The following OR52I2 variants were observed in gnomAD, a reference collection of about 807,000 sequenced individuals.
OR52I2 encodes the protein olfactory receptor 52I2.
For synonymous variants in OR52I2, 147 were observed against 151.9 expected, an observed-to-expected ratio of 0.97 and a Z score of 0.24; for missense variants, 350 against 402.4, an observed-to-expected ratio of 0.87 and a Z score of 1.11.
At chr11:4,583,421 G>A (rs1471457559) in intron 1 of OR52I2, among the ~76,000 whole-genome samples, 4 of 152,166 alleles carry the variant, frequency 2.6e-5, no homozygotes, top group African/African-American at 9.7e-5. Context: ...GAATATCCTG[G>A]ATCAGAGGTG....
intron 1 of OR52I2, among the ~76,000 whole-genome samples, chr11:4,582,433 C>CCTTTTTTTTT (rs1564859030): frequency 5.4e-5 from 4 of 74,660 alleles, no homozygotes; most frequent in Non-Finnish European, 1.1e-4. Flanking sequence ...ATTTATTTTT[C>CCTTTTTTTTT]ATTTTTTTTT....
intron 1 of OR52I2, among the ~76,000 whole-genome samples, chr11:4,582,815 G>C (rs1369384595): frequency 6.6e-6 from 1 of 152,144 alleles, no homozygotes; most frequent in Non-Finnish European, 1.5e-5. Flanking sequence ...ACAAAGGCAG[G>C]TGCAGTGCTA....
At chr11:4,582,744 A>G (rs1257494221) in intron 1 of OR52I2, among the ~76,000 whole-genome samples, 2 of 151,938 alleles carry the variant, frequency 1.3e-5, no homozygotes, top group Non-Finnish European at 2.9e-5. Context: ...GAACTTTTTA[A>G]AGCTACTTTT....
chr11:4,587,860 T>A (rs1313727169), exon 2 of OR52I2: 1 of 1,612,948 alleles, frequency 6.2e-7, no homozygotes. Context: ...CAACCTGGGT[T>A]CATGAACACA....
chr11:4,590,017 G>A (rs1170710454), exon 2 of OR52I2: 3 of 152,138 alleles, frequency 2.0e-5, no homozygotes. Flanking sequence ...CAGTATTGAA[G>A]GCAAAGGCAG....
chr11:4,583,306 G>T (rs1346617523), intron 1 of OR52I2, among the ~76,000 whole-genome samples: 1 of 152,118 alleles, frequency 6.6e-6, no homozygotes, highest in Non-Finnish European at 1.5e-5. Context: ...GGCATGAAAG[G>T]TATGCCCAGT....
At chr11:4,591,556 A>G (rs1271135678) in exon 2 of OR52I2, 1 of 152,244 alleles carries the variant, frequency 6.6e-6, no homozygotes, top group Admixed American at 6.5e-5. Flanking sequence ...AAGGAGATCA[A>G]TTGTATTTAA....
chr11:4,588,184 C>T (rs1359308972), exon 2 of OR52I2: 3 of 304,714 alleles, frequency 9.8e-6, no homozygotes. Context: ...GCTCCTGCCT[C>T]ACCAACTCTT....
chr11:4,590,254 G>A (rs778023915), exon 2 of OR52I2: 4 of 152,196 alleles, frequency 2.6e-5, no homozygotes, highest in Admixed American at 6.5e-5. Context: ...TCAGGGAGCA[G>A]GCAGTTGTGT....
chr11:4,587,502 G>C, exon 2 of OR52I2: 2 of 1,614,194 alleles, frequency 1.2e-6, no homozygotes, highest in Middle Eastern at 1.6e-4. Flanking sequence ...TCTACAGTCT[G>C]ATTGGTTCCT....
exon 2 of OR52I2, chr11:4,587,281 T>C: frequency 6.2e-7 from 1 of 1,613,992 alleles, no homozygotes; most frequent in Non-Finnish European, 8.5e-7. Context: ...TGTAGCCATC[T>C]GCAAGCCTCT....
chr11:4,583,487 T>C (rs1846276267), intron 1 of OR52I2, among the ~76,000 whole-genome samples: 1 of 152,158 alleles, frequency 6.6e-6, no homozygotes, highest in Non-Finnish European at 1.5e-5. Context: ...TATGCAATAA[T>C]GCACAAGCCT....
intron 1 of OR52I2, 120 bp from the exon 2 acceptor site, chr11:4,586,752 A>C (rs2133186836): frequency 7.0e-7 from 1 of 1,438,740 alleles, no homozygotes; most frequent in East Asian, 2.3e-5. Context: ...GTCAGATGCC[A>C]CATTTTTGAT....
intron 1 of OR52I2, among the ~76,000 whole-genome samples, chr11:4,584,530 A>T (rs1291665084): frequency 1.2e-4 from 19 of 152,202 alleles, no homozygotes; most frequent in Admixed American, 1.2e-3. Context: ...CCTTAATCTG[A>T]ATTCAGTTTG....
exon 2 of OR52I2, chr11:4,591,923 G>C (rs932224032): frequency 6.6e-6 from 1 of 152,154 alleles, no homozygotes; most frequent in Non-Finnish European, 1.5e-5. Context: ...ACAGATAGTG[G>C]GCTCTTATCA....
rs1846282818 is a variant in OR52I2 at position 4,584,342 on chromosome 11, G to GA, written c.-20+2482dup. On this transcript the variant is annotated intron_variant, in intron 1 of 1. Coordinates refer to ENST00000641896, the Ensembl canonical transcript of OR52I2. ...ACAAATTAGAACCATGAGGGTTTGA[G>GA]AAAAGAGATCACGTGTCCTTAACAT... Among the ~76,000 whole-genome samples the GA allele has an allele frequency of 2.0e-5, 3 of 152,196 alleles. No individual in the cohort carries two copies. The South Asian group carries it at 6.2e-4, about 32-fold the overall frequency.
exon 2 of OR52I2, chr11:4,591,237 G>C (rs1045281698): frequency 1.3e-5 from 2 of 152,200 alleles, no homozygotes; most frequent in Non-Finnish European, 2.9e-5. Context: ...CCACTACTCA[G>C]AGAGGAGCCA....
chr11:4,585,533 T>C (rs1311545892), intron 1 of OR52I2, among the ~76,000 whole-genome samples: 1 of 151,964 alleles, frequency 6.6e-6, no homozygotes, highest in Non-Finnish European at 1.5e-5. Context: ...GCCAGATTAT[T>C]CACATTATAT....
chr11:4,586,780 G>A, intron 1 of OR52I2, 92 bp from the exon 2 acceptor site: 3 of 1,581,256 alleles, frequency 1.9e-6, no homozygotes, highest in Non-Finnish European at 1.7e-6. Flanking sequence ...TTACCACCAA[G>A]CTGAGAATAT....
Sources: gnomAD v4.1 joint callset for allele counts (sites outside exome capture counted in the v4.1 genomes callset) on GRCh38, gnomAD v4.1.1 for gene constraint, MANE v1.5 for transcripts, NCBI Gene and HGNC (gene_info 2026-07-23, HGNC 2026-07-21) for gene names.